Variants in TPGS1 observed in about 807,000 individuals in gnomAD.
TPGS1 encodes tubulin polyglutamylase complex subunit 1.
In TPGS1, 18 loss-of-function variants were observed where a neutral mutation model predicts 11.9. The observed-to-expected ratio is 1.51, with a 90% CI of 1.04 to 2.24. The LOEUF (loss-of-function observed/expected upper bound fraction) is 2.24. Among genes scored for constraint, TPGS1 ranks in the 30% most tolerant of loss-of-function variants. TPGS1 has a pLI of 0.00. For missense variants in TPGS1, 500 were observed against 443.0 expected (o/e 1.13, Z -1.16); for synonymous variants, 247 against 218.2 (o/e 1.13, Z -1.16).
In TPGS1 at chr19:519,379, A is replaced by G. The variant is rs1484703739; in HGVS notation, c.829A>G (p.Arg277Gly). ...APMTREEFLERAAALFIAKVK... is the reference protein window; with the variant it reads ...APMTREEFLEGAAALFIAKVK... The stretch of plus-strand genomic sequence containing the variant: ...CATGACCCGCGAGGAGTTTCTGGAG[A>G]GGGCCGCCGCGCTCTTCATCGCGAA... The change falls in exon 2 of 2, where the codon AGG (arginine) becomes GGG (glycine). Residue 277 changes from arginine to glycine, a missense_variant. Arg to Gly is a moderately radical substitution (Grantham distance 125). Transcript: ENST00000359315. The G allele has an allele frequency of 3.3e-6, 4 of 1,220,548 alleles. No individual in the cohort carries two copies. Among genetic ancestry groups the G allele is most frequent in the Non-Finnish European group, 4.1e-6 (4 of 979,950 alleles). 75.6% of individuals were successfully genotyped at this position (1,220,548 alleles called of 1,614,324 possible). A position where few individuals can be genotyped will look rare whatever the true frequency, so the allele number is the denominator to read the frequency against.
intron 1 of TPGS1, among the ~76,000 whole-genome samples, chr19:516,882 T>C (rs1978970578): frequency 6.6e-6 from 1 of 152,194 alleles, no homozygotes; most frequent in African/African-American, 2.4e-5. Context: ...AACTTGAGTG[T>C]AAGGGTGGGG....
chr19:514,091 A>C (rs1053271971), intron 1 of TPGS1, among the ~76,000 whole-genome samples: 4 of 137,274 alleles, frequency 2.9e-5, no homozygotes, highest in African/African-American at 1.1e-4. Context: ...AGCACCTACT[A>C]TGTACCAGCC....
chr19:515,463 C>T (rs544470467), intron 1 of TPGS1, among the ~76,000 whole-genome samples: 81 of 151,850 alleles, frequency 5.3e-4, no homozygotes, highest in Middle Eastern at 3.4e-3. Context: ...ACAGACTGGG[C>T]GCAGTGGCTC....
intron 1 of TPGS1, among the ~76,000 whole-genome samples, chr19:513,922 A>G (rs1331226359): frequency 6.7e-6 from 1 of 150,114 alleles, no homozygotes; most frequent in Non-Finnish European, 1.5e-5. Flanking sequence ...CCTACTGTGC[A>G]CTAGTCCTGC....
At chr19:508,238 A>G (rs1042117386) in intron 1 of TPGS1, 2 of 175,258 alleles carry the variant, frequency 1.1e-5, no homozygotes, top group Admixed American at 6.3e-5. Flanking sequence ...ATCCCCGTCC[A>G]TTCAGCCAGA....
intron 1 of TPGS1, among the ~76,000 whole-genome samples, chr19:514,863 C>T (rs1160455158): frequency 1.3e-5 from 2 of 152,224 alleles, no homozygotes; most frequent in Non-Finnish European, 2.9e-5. Context: ...TGCAGCGGCC[C>T]CCACGCTGGC....
At chr19:518,397 G>A (rs1339430346) in intron 1 of TPGS1, among the ~76,000 whole-genome samples, 10 of 104,664 alleles carry the variant, frequency 9.6e-5, no homozygotes, top group South Asian at 7.1e-4. Flanking sequence ...AGGGAGGCCC[G>A]GGCTGGGTAG....
intron 1 of TPGS1, among the ~76,000 whole-genome samples, chr19:515,365 C>T (rs1978918907): frequency 1.3e-5 from 2 of 149,186 alleles, no homozygotes; most frequent in African/African-American, 5.0e-5. Flanking sequence ...TGTACCACTG[C>T]TCTCCAGCCT....
intron 1 of TPGS1, among the ~76,000 whole-genome samples, chr19:516,854 C>G (rs1266304617): frequency 6.6e-6 from 1 of 152,168 alleles, no homozygotes; most frequent in African/African-American, 2.4e-5. Flanking sequence ...AGAAGACAGG[C>G]TGTTAACATT....
intron 1 of TPGS1, among the ~76,000 whole-genome samples, chr19:515,089 T>G (rs1298563950): frequency 6.6e-6 from 1 of 152,224 alleles, no homozygotes. Flanking sequence ...GACATTCAGC[T>G]CTACGGTTCT....
In TPGS1 at chr19:518,975, C is replaced by G; in HGVS notation, c.425C>G (p.Thr142Ser). 6.3e-7 allele frequency: 1 copy of G among 1,585,782 alleles called. No individual in the cohort carries two copies. The highest frequency in any genetic ancestry group is 8.5e-7 in the Non-Finnish European group (1 of 1,173,486). Residue 142 changes from threonine (T) to serine (S), a missense_variant, in exon 2 of 2, where the codon ACC (threonine) becomes AGC (serine). Transcript: ENST00000359315. ...AAGAGGCCGGGGCTGGACGGGCGCA[C>G]CTACAGCGAGCTGCTCAGGCGCATC... ...RRKRPGLDGRTYSELLRRICR... is the reference protein window; with the variant it reads ...RRKRPGLDGRSYSELLRRICR...
chr19:507,802 G>A lies in TPGS1; in HGVS notation c.296G>A (p.Gly99Asp), dbSNP rs769679929. The change falls in exon 1 of 2, where the codon GGC becomes GAC. Residue 99 changes from glycine (G) to aspartate (D), a missense_variant. Transcript: ENST00000359315. ...GQLLLQQQRL[G>D]RALWHLRLAH... The stretch of plus-strand genomic sequence containing the variant: ...CTCCTGCTGCAGCAGCAGCGCCTGG[G>A]CCGCGCGCTATGGCACCTTCGCCTG... 22 of 1,379,648 alleles carry A rather than the reference G, an allele frequency of 1.6e-5. No individual in the cohort carries two copies. The South Asian group carries it at 3.4e-4, about 21-fold the overall frequency. The allele number at this position is 1,379,648 out of a possible 1,614,324, so 85.5% of individuals were successfully genotyped here.
At chr19:510,674 C>T (rs572292710) in intron 1 of TPGS1, among the ~76,000 whole-genome samples, 1 of 152,222 alleles carries the variant, frequency 6.6e-6, no homozygotes, top group Non-Finnish European at 1.5e-5. Context: ...ACACGGCCAC[C>T]GAGGGCAGAG....
chr19:510,941 C>A (rs922617528), intron 1 of TPGS1, among the ~76,000 whole-genome samples: 2 of 152,242 alleles, frequency 1.3e-5, no homozygotes, highest in African/African-American at 2.4e-5. Flanking sequence ...GTGACAACCA[C>A]AGATGTCCCA....
At chr19:514,025 T>C (rs1399015123) in intron 1 of TPGS1, among the ~76,000 whole-genome samples, 2 of 150,556 alleles carry the variant, frequency 1.3e-5, no homozygotes, top group African/African-American at 4.9e-5. Context: ...GAGCACCCAC[T>C]GTACACAGAC....
At chr19:518,521 A>T (rs1600405397) in intron 1 of TPGS1, among the ~76,000 whole-genome samples, 1 of 33,486 alleles carries the variant, frequency 3.0e-5, no homozygotes, top group Admixed American at 4.3e-4. Context: ...GGAGAGGCCC[A>T]GGCTGGGGAT....
At position 518,991 on chromosome 19, in the gene TPGS1, C is replaced by T. The variant is rs573657520; in HGVS notation, c.441C>T (p.Leu147=). 1.6e-5 allele frequency: 26 copies of T among 1,580,796 alleles called. No homozygotes were observed. Among genetic ancestry groups the T allele is most frequent in the Non-Finnish European group, 2.0e-5 (24 of 1,171,064 alleles). ...ACGGGCGCACCTACAGCGAGCTGCT[C>T]AGGCGCATCTGCCGGGACGGCCAAG... ...GLDGRTYSEL[L]RRICRDGQAP... The change falls in exon 2 of 2, where the codon CTC becomes CTT. Residue 147 remains leucine, a synonymous_variant. Coordinates refer to ENST00000359315, the MANE Select transcript of TPGS1 (RefSeq NM_033513.3).
At chr19:510,933 G>A (rs1978777122) in intron 1 of TPGS1, among the ~76,000 whole-genome samples, 1 of 152,248 alleles carries the variant, frequency 6.6e-6, no homozygotes, top group African/African-American at 2.4e-5. Context: ...CCCGAGTCGT[G>A]ACAACCACAG....
intron 1 of TPGS1, among the ~76,000 whole-genome samples, chr19:510,731 C>T (rs73919612): frequency 4.6e-5 from 7 of 152,212 alleles, no homozygotes; most frequent in Admixed American, 4.6e-4. Flanking sequence ...CCTCCTCAGC[C>T]ACCACGTTGC....
Sources: allele counts gnomAD v4.1 joint callset (sites outside exome capture counted in the v4.1 genomes callset), GRCh38; gene constraint gnomAD v4.1.1; transcripts MANE v1.5; gene names NCBI Gene and HGNC (gene_info 2026-07-23, HGNC 2026-07-21).